Variants in PLCXD3 observed in about 807,000 individuals in gnomAD.
PLCXD3 encodes the protein PI-PLC X domain-containing protein 3.
PLCXD3 carries 19 observed loss-of-function variants against 25.5 expected under a neutral mutation model. The observed-to-expected ratio is 0.75, with a 90% CI of 0.52 to 1.09. The LOEUF is 1.09. PLCXD3 is among the 50% of genes least tolerant of loss of function. The probability of loss-of-function intolerance (pLI) is 0.00; values close to 1 mark genes in which losing one functional copy is unlikely to be tolerated. For missense variants in PLCXD3, 411 were observed against 388.1 expected, an observed-to-expected ratio of 1.06 and a Z score of -0.50; for synonymous variants, 174 against 137.6, an observed-to-expected ratio of 1.26 and a Z score of -1.85.
At chr5:41,413,286 C>A (rs1746609351) in intron 1 of PLCXD3, among the ~76,000 whole-genome samples, 2 of 152,156 alleles carry the variant, frequency 1.3e-5, no homozygotes, top group Non-Finnish European at 2.9e-5. Flanking sequence ...TGGCTGCGAG[C>A]TGGCTCAATT....
chr5:41,330,521 G>T (rs1743764297), intron 2 of PLCXD3, among the ~76,000 whole-genome samples: 1 of 152,008 alleles, frequency 6.6e-6, no homozygotes, highest in Non-Finnish European at 1.5e-5. Flanking sequence ...AGAGGTACAA[G>T]GAGGAACTGG....
chr5:41,424,289 A>T (rs981929390), intron 1 of PLCXD3, among the ~76,000 whole-genome samples: 1 of 152,212 alleles, frequency 6.6e-6, no homozygotes, highest in African/African-American at 2.4e-5. Flanking sequence ...CACGCCTGTA[A>T]TCCCAGCACT....
rs1747059282 is a variant in PLCXD3 at position 41,430,044 on chromosome 5, G to C, written c.104-47510C>G. Among the ~76,000 whole-genome samples the C allele has an allele frequency of 2.6e-5, 4 of 152,060 alleles. 1 individual carries two copies. The South Asian group carries it at 8.3e-4, about 32-fold the overall frequency. ...ATCTCCCAATGATCTAAAACAAAAG[G>C]GCAAATTGAGTTTGAACCCTACTTT... On this transcript the variant is annotated intron_variant, in intron 1 of 2. Coordinates refer to ENST00000377801, the MANE Select transcript of PLCXD3 (RefSeq NM_001005473.3).
intron 1 of PLCXD3, among the ~76,000 whole-genome samples, chr5:41,459,423 C>A (rs542247513): frequency 6.6e-6 from 1 of 151,860 alleles, no homozygotes; most frequent in Non-Finnish European, 1.5e-5. Flanking sequence ...ATCAAGACAA[C>A]CTGGGACCAA....
chr5:41,452,529 C>A (rs1456899870), intron 1 of PLCXD3, among the ~76,000 whole-genome samples: 1 of 151,832 alleles, frequency 6.6e-6, no homozygotes, highest in African/African-American at 2.4e-5. Context: ...CCTTAGACTC[C>A]AAACAAAACA....
At chr5:41,456,684 C>T (rs1747761117) in intron 1 of PLCXD3, 1 of 201,984 alleles carries the variant, frequency 5.0e-6, no homozygotes, top group Non-Finnish European at 8.8e-6. Flanking sequence ...AGGTGGAGCT[C>T]TTATGAATAA....
chr5:41,431,911 T>A (rs1747117884), intron 1 of PLCXD3, among the ~76,000 whole-genome samples: 1 of 152,124 alleles, frequency 6.6e-6, no homozygotes, highest in Non-Finnish European at 1.5e-5. Context: ...CCATGATAGG[T>A]GCTAGGCCCA....
At chr5:41,331,531 A>G (rs1325062263) in intron 2 of PLCXD3, among the ~76,000 whole-genome samples, 1 of 152,226 alleles carries the variant, frequency 6.6e-6, no homozygotes, top group African/African-American at 2.4e-5. Flanking sequence ...GGTAATTTGT[A>G]GATTCAAGGC....
chr5:41,499,975 G>A (rs1369003712), intron 1 of PLCXD3, among the ~76,000 whole-genome samples: 1 of 151,706 alleles, frequency 6.6e-6, no homozygotes, highest in Non-Finnish European at 1.5e-5. Flanking sequence ...ACATATGTAT[G>A]TAAATTAGTA....
At chr5:41,351,416 A>T (rs959007629) in intron 2 of PLCXD3, among the ~76,000 whole-genome samples, 1 of 152,176 alleles carries the variant, frequency 6.6e-6, no homozygotes, top group African/African-American at 2.4e-5. Flanking sequence ...GGGGCTGAGC[A>T]CATGGTAGGC....
chr5:41,337,808 G>A (rs1218961720), intron 2 of PLCXD3, among the ~76,000 whole-genome samples: 1 of 152,084 alleles, frequency 6.6e-6, no homozygotes, highest in Non-Finnish European at 1.5e-5. Context: ...ATTTCCTCCT[G>A]ACAGTGACCT....
chr5:41,413,094 C>G (rs1051927238), intron 1 of PLCXD3, among the ~76,000 whole-genome samples: 2 of 152,172 alleles, frequency 1.3e-5, no homozygotes, highest in Admixed American at 6.5e-5. Flanking sequence ...ATTACACTTA[C>G]TAGAATTATA....
At chr5:41,491,419 A>G (rs978475984) in intron 1 of PLCXD3, among the ~76,000 whole-genome samples, 4 of 152,084 alleles carry the variant, frequency 2.6e-5, no homozygotes, top group Non-Finnish European at 4.4e-5. Context: ...TGTTGATTTG[A>G]GGTGGAGAGT....
At position 41,381,809 on chromosome 5, in the gene PLCXD3, A is replaced by G. The variant is rs374459029; in HGVS notation, c.812+17T>C. 3.9e-5 allele frequency: 62 copies of G among 1,575,810 alleles called. No individual in the cohort carries two copies. Among genetic ancestry groups the G allele is most frequent in the Non-Finnish European group, 7.7e-6 (9 of 1,161,920 alleles). ...AAATTATTTGAGGTTTCCCCCTGAC[A>G]TTTTAAAGACACTTACCTTTCTGTG... On this transcript the variant is annotated intron_variant, in intron 2 of 2. Transcript: ENST00000377801.
At chr5:41,352,538 C>A (rs187844944) in intron 2 of PLCXD3, among the ~76,000 whole-genome samples, 1 of 152,110 alleles carries the variant, frequency 6.6e-6, no homozygotes, top group Non-Finnish European at 1.5e-5. Flanking sequence ...GATAATTAGC[C>A]TAGTCTTACA....
intron 1 of PLCXD3, among the ~76,000 whole-genome samples, chr5:41,464,696 A>G (rs903758357): frequency 2.6e-5 from 4 of 152,048 alleles, no homozygotes; most frequent in Non-Finnish European, 5.9e-5. Context: ...CTGAAGACTT[A>G]TGTCTTCTTC....
chr5:41,384,018 A>T (rs1388623346), intron 1 of PLCXD3, among the ~76,000 whole-genome samples: 2 of 152,150 alleles, frequency 1.3e-5, no homozygotes, highest in Non-Finnish European at 2.9e-5. Context: ...TGTTAAAGAA[A>T]ATAATTTGTA....
rs565958730 is a variant in PLCXD3, at chr5:41,381,975, G to C, written c.663C>G (p.Asp221Glu). The change falls in exon 2 of 3, where the codon GAC (aspartate) becomes GAG (glutamate). Residue 221 changes from aspartate to glutamate, a missense_variant. Asp to Glu is a conservative substitution (Grantham distance 45). Coordinates refer to ENST00000377801, the MANE Select transcript of PLCXD3 (RefSeq NM_001005473.3). Reference sequence around the variant, plus strand: ...GAAGAAACTGGATCAGTTTCTCGGGGTCTGTGGTGTTGGCCCAGGGTGCTG... The same window carrying C: ...GAAGAAACTGGATCAGTTTCTCGGGCTCTGTGGTGTTGGCCCAGGGTGCTG... ...MMPAPWANTT[D>E]PEKLIQFLQA... The C allele has an allele frequency of 3.7e-6, 6 of 1,613,520 alleles. No individual in the cohort carries two copies. The highest frequency in any genetic ancestry group is 3.4e-6 in the Non-Finnish European group (4 of 1,179,718).
intron 2 of PLCXD3, among the ~76,000 whole-genome samples, chr5:41,314,246 T>C (rs1278724938): frequency 3.9e-5 from 6 of 152,140 alleles, no homozygotes; most frequent in Non-Finnish European, 8.8e-5. Context: ...CACAGTTTGG[T>C]GGTGGGTAGG....
Sources: gnomAD v4.1 joint callset for allele counts (sites outside exome capture counted in the v4.1 genomes callset) on GRCh38, gnomAD v4.1.1 for gene constraint, MANE v1.5 for transcripts, NCBI Gene and HGNC (gene_info 2026-07-23, HGNC 2026-07-21) for gene names.